Variants in DOCK10 observed in about 807,000 individuals in gnomAD.
DOCK10 encodes dedicator of cytokinesis 10.
DOCK10 carries 145 observed loss-of-function variants against 280.1 expected under a neutral mutation model. The observed-to-expected ratio is 0.52, with a 90% CI of 0.45 to 0.59. DOCK10 has a LOEUF of 0.59. Ranked by LOEUF, DOCK10 falls within the 20% of genes least tolerant of loss-of-function variation. The probability of loss-of-function intolerance (pLI) is 0.00; values close to 1 mark genes in which losing one functional copy is unlikely to be tolerated. For missense variants in DOCK10, 2,368 were observed against 2,651.7 expected (o/e 0.89, Z 2.35); for synonymous variants, 915 against 942.2 (o/e 0.97, Z 0.53).
intron 7 of DOCK10, among the ~76,000 whole-genome samples, chr2:224,881,346 T>C (rs987459160): frequency 2.0e-5 from 3 of 152,204 alleles, no homozygotes; most frequent in Non-Finnish European, 4.4e-5. Flanking sequence ...CTTTTCACAA[T>C]GGTTTGCACA....
At position 224,905,303 on chromosome 2, in the gene DOCK10, A is replaced by T. The variant is rs1045347449; in HGVS notation, c.334-8926T>A. Among the ~76,000 whole-genome samples the T allele has an allele frequency of 2.2e-5, 3 of 136,466 alleles. No homozygotes were observed. The South Asian group carries it at 6.6e-4, about 30-fold the overall frequency. The allele number at this position is 136,466 out of a possible 152,430, so 89.5% of individuals were successfully genotyped here. A position where few individuals can be genotyped will look rare whatever the true frequency, so the allele number is the denominator to read the frequency against. ...TCGCCCAGGCCGGACTGCGGACTGC[A>T]GCGGCGCGATCTCGGCTCACTGCAA... On this transcript the variant is annotated intron_variant, in intron 3 of 55. Coordinates refer to ENST00000258390, the MANE Select transcript of DOCK10 (RefSeq NM_014689.3).
At chr2:224,910,998 C>A (rs934423568) in intron 3 of DOCK10, among the ~76,000 whole-genome samples, 2 of 151,020 alleles carry the variant, frequency 1.3e-5, no homozygotes, top group Non-Finnish European at 2.9e-5. Flanking sequence ...TATTTTAGAT[C>A]CATACAGTTG....
rs188234182 is a variant in DOCK10, at chr2:224,946,437, A to G, written c.124-14769T>C. On this transcript the variant is annotated intron_variant, in intron 1 of 55. Coordinates refer to ENST00000258390, the MANE Select transcript of DOCK10 (RefSeq NM_014689.3). Reference sequence around the variant, plus strand: ...TAAAATAAATAATTAGTGGCATATGATAAAATAGAGCAATGACAATTTTTT... The same window carrying G: ...TAAAATAAATAATTAGTGGCATATGGTAAAATAGAGCAATGACAATTTTTT... 6.2e-3 allele frequency among the ~76,000 whole-genome samples: 939 copies of G among 152,288 alleles called. 12 individuals carry two copies. Among genetic ancestry groups the G allele is most frequent in the African/African-American group, 0.02 (831 of 41,574 alleles).
chr2:224,934,487 T>C (rs977262758), intron 1 of DOCK10, among the ~76,000 whole-genome samples: 3 of 152,230 alleles, frequency 2.0e-5, no homozygotes, highest in South Asian at 2.1e-4. Context: ...ATATATTCCA[T>C]AGTGTCTAGA....
chr2:224,807,503 C>T lies in DOCK10; in HGVS notation c.3702+165G>A, dbSNP rs573918929. 2.8e-5 allele frequency: 15 copies of T among 536,952 alleles called. No homozygotes were observed. In the East Asian group the frequency reaches 4.4e-4, roughly 16 times the overall value. 33.3% of individuals were successfully genotyped at this position (536,952 alleles called of 1,614,324 possible). A position where few individuals can be genotyped will look rare whatever the true frequency, so the allele number is the denominator to read the frequency against. ...GTGGATCAGGTGGAGGCTAAAGGGA[C>T]CTATCTGGAACAAATGACACATTGA... On this transcript the variant is annotated intron_variant, in intron 33 of 55. Coordinates refer to ENST00000258390, the MANE Select transcript of DOCK10 (RefSeq NM_014689.3).
chr2:225,042,146 G>C lies in DOCK10; in HGVS notation c.123+106C>G, dbSNP rs568941146. ...GGAGGGAGTGCGGAGGAGAGGACCCGTGAGCTGCGGGGACCTGGGCCCGCC... is the reference window on the plus strand; with the variant it reads ...GGAGGGAGTGCGGAGGAGAGGACCCCTGAGCTGCGGGGACCTGGGCCCGCC... On this transcript the variant is annotated intron_variant, in intron 1 of 55. Coordinates refer to ENST00000258390, the MANE Select transcript of DOCK10 (RefSeq NM_014689.3). The surrounding 1 kb of genome is among the most constrained non-coding windows in gnomAD (Gnocchi z 5.1). 60 of 1,170,124 alleles carry C rather than the reference G, an allele frequency of 5.1e-5. No homozygotes were observed. Among genetic ancestry groups the C allele is most frequent in the Non-Finnish European group, 6.1e-5 (57 of 938,552 alleles). 72.5% of individuals were successfully genotyped at this position (1,170,124 alleles called of 1,614,324 possible).
At chr2:224,766,344 C>CT (rs1690079353) in intron 55 of DOCK10, among the ~76,000 whole-genome samples, 1 of 152,118 alleles carries the variant, frequency 6.6e-6, no homozygotes, top group Admixed American at 6.5e-5. Context: ...ACTCCAGACA[C>CT]TTTTAAAATA....
chr2:224,954,912 A>G (rs1434661991), intron 1 of DOCK10, among the ~76,000 whole-genome samples: 2 of 152,234 alleles, frequency 1.3e-5, no homozygotes, highest in Non-Finnish European at 2.9e-5. Context: ...GATCAGGTGA[A>G]GACACACAAA....
intron 24 of DOCK10, among the ~76,000 whole-genome samples, chr2:224,838,561 A>C (rs1695741480): frequency 6.6e-6 from 1 of 152,198 alleles, no homozygotes; most frequent in Non-Finnish European, 1.5e-5. Flanking sequence ...CAGGTCCAGA[A>C]CTGGATGGTT....
At chr2:225,037,464 C>G (rs748578822) in intron 1 of DOCK10, among the ~76,000 whole-genome samples, 21 of 152,150 alleles carry the variant, frequency 1.4e-4, no homozygotes, top group Non-Finnish European at 1.9e-4. Flanking sequence ...GTCAGCTACT[C>G]ATATCCACCG....
intron 1 of DOCK10, among the ~76,000 whole-genome samples, chr2:224,944,707 A>G (rs1282406426): frequency 6.6e-6 from 1 of 152,188 alleles, no homozygotes; most frequent in African/African-American, 2.4e-5. Flanking sequence ...TTGGATTCCA[A>G]AATGAAAAGC....
chr2:224,949,064 T>C (rs971029132), intron 1 of DOCK10, among the ~76,000 whole-genome samples: 3 of 152,100 alleles, frequency 2.0e-5, no homozygotes, highest in Admixed American at 6.5e-5. Flanking sequence ...CGGCAGCATA[T>C]GGGGATGTCA....
chr2:224,969,246 C>A (rs779803484), intron 1 of DOCK10, among the ~76,000 whole-genome samples: 2 of 152,170 alleles, frequency 1.3e-5, no homozygotes. Flanking sequence ...ACAATCCTAA[C>A]GTTTCTCCTT....
Position 224,845,184 on chromosome 2 carries a change from A to G in DOCK10, c.2481+19T>C, listed in dbSNP as rs1297406089. The G allele has an allele frequency of 3.2e-6, 5 of 1,557,760 alleles. No individual in the cohort carries two copies. The highest frequency in any genetic ancestry group is 4.3e-6 in the Non-Finnish European group (5 of 1,150,086). The stretch of plus-strand genomic sequence containing the variant: ...CTGGTGTGCTTTTTTAAAATCTTAA[A>G]TTACACATTATTCAATACCTTTCCA... On this transcript the variant is annotated intron_variant, in intron 21 of 55. Coordinates refer to ENST00000258390, the MANE Select transcript of DOCK10 (RefSeq NM_014689.3).
chr2:225,035,552 A>AT (rs1553634865), intron 1 of DOCK10, among the ~76,000 whole-genome samples: 1 of 20,868 alleles, frequency 4.8e-5, no homozygotes, highest in South Asian at 2.0e-3. Flanking sequence ...TTATATATAT[A>AT]TATATATATA....
chr2:224,881,299 T>C lies in DOCK10; in HGVS notation c.747+4372A>G, dbSNP rs572146622. On this transcript the variant is annotated intron_variant, in intron 7 of 55. Coordinates refer to ENST00000258390, the MANE Select transcript of DOCK10 (RefSeq NM_014689.3). ...ATCCTTCCCACATCCTGGAAGCTTT[T>C]TGAAGACATGAGCCACACCTATTTT... 6.0e-4 allele frequency among the ~76,000 whole-genome samples: 91 copies of C among 152,352 alleles called. 1 individual carries two copies. In the South Asian group the frequency reaches 0.018, roughly 29 times the overall value.
intron 1 of DOCK10, among the ~76,000 whole-genome samples, 183 bp from the exon 2 acceptor site, chr2:224,931,851 T>G (rs1341296559): frequency 6.6e-6 from 1 of 152,174 alleles, no homozygotes; most frequent in Non-Finnish European, 1.5e-5. Flanking sequence ...AGATTTGAAA[T>G]AATATGAGAA....
intron 40 of DOCK10, 39 bp downstream of exon 40, chr2:224,801,877 C>G: frequency 6.2e-7 from 1 of 1,604,882 alleles, no homozygotes; most frequent in Non-Finnish European, 8.5e-7. Context: ...TAGAGAAAAA[C>G]TGGTAACCAT....
intron 8 of DOCK10, 32 bp downstream of exon 8, chr2:224,876,006 A>G: frequency 6.3e-7 from 1 of 1,599,016 alleles, no homozygotes; most frequent in Non-Finnish European, 8.5e-7. Flanking sequence ...CACACTGGAC[A>G]AAGGAAGGAA....
Sources: gnomAD v4.1 joint callset for allele counts (sites outside exome capture counted in the v4.1 genomes callset) on GRCh38, gnomAD v4.1.1 for gene constraint, Gnocchi (gnomAD v3.1) non-coding constraint, MANE v1.5 for transcripts, NCBI Gene and HGNC (gene_info 2026-07-23, HGNC 2026-07-21) for gene names.